Variants in LRP1B observed in about 807,000 individuals in gnomAD.
The protein encoded by LRP1B is low-density lipoprotein receptor-related protein 1B.
In LRP1B, 217 loss-of-function variants were observed where a neutral mutation model predicts 556.6. The observed-to-expected ratio is 0.39, with a 90% confidence interval of 0.35 to 0.44. LRP1B has a LOEUF of 0.44. Ranked by LOEUF, LRP1B falls within the 20% of genes least tolerant of loss-of-function variation. The pLI, the probability that LRP1B is intolerant of heterozygous loss-of-function variation, is 1.00. For missense variants in LRP1B, 5,053 were observed against 5,620.8 expected (o/e 0.90, Z 3.23); for synonymous variants, 2,047 against 1,865.8 (o/e 1.10, Z -2.50).
chr2:141,953,230 C>T (rs1433274759), intron 1 of LRP1B, among the ~76,000 whole-genome samples: 1 of 152,008 alleles, frequency 6.6e-6, no homozygotes, highest in African/African-American at 2.4e-5. Flanking sequence ...ATATCCCATC[C>T]ACCATTCTAA....
chr2:140,827,067 A>G (rs1691534052), intron 31 of LRP1B, among the ~76,000 whole-genome samples: 1 of 152,082 alleles, frequency 6.6e-6, no homozygotes, highest in African/African-American at 2.4e-5. Flanking sequence ...TGGGATTAAT[A>G]TGCCATCTAA....
At chr2:141,463,721 A>G (rs1365706280) in intron 3 of LRP1B, among the ~76,000 whole-genome samples, 5 of 143,046 alleles carry the variant, frequency 3.5e-5, no homozygotes, top group Non-Finnish European at 7.6e-5. Context: ...CCCTATTGGT[A>G]GGAAACATTT....
intron 1 of LRP1B, among the ~76,000 whole-genome samples, chr2:142,113,560 C>A (rs762149384): frequency 6.6e-6 from 1 of 151,282 alleles, no homozygotes; most frequent in South Asian, 2.1e-4. Flanking sequence ...TCATCAGCCA[C>A]CAGAAATTTT....
chr2:141,168,640 C>T (rs927638690), intron 7 of LRP1B, among the ~76,000 whole-genome samples: 3 of 152,008 alleles, frequency 2.0e-5, no homozygotes, highest in African/African-American at 4.8e-5. Flanking sequence ...TAGCAACTTA[C>T]ATTTGTATAT....
At chr2:141,592,851 G>A (rs545458192) in intron 2 of LRP1B, among the ~76,000 whole-genome samples, 3 of 152,132 alleles carry the variant, frequency 2.0e-5, no homozygotes, top group Non-Finnish European at 4.4e-5. Flanking sequence ...TTCAAGCATT[G>A]AAGGAAAAAC....
At chr2:140,716,130 A>G (rs1687201169) in intron 36 of LRP1B, 28 bp from the exon 37 acceptor site, 1 of 1,503,784 alleles carries the variant, frequency 6.6e-7, no homozygotes, top group Non-Finnish European at 9.0e-7. Context: ...GGTGTTTATA[A>G]TACAGTTTTG....
intron 2 of LRP1B, among the ~76,000 whole-genome samples, chr2:141,762,425 C>T (rs1451742547): frequency 6.6e-6 from 1 of 151,544 alleles, no homozygotes; most frequent in East Asian, 1.9e-4. Flanking sequence ...GGAATGGTGA[C>T]CAATTTTGTA....
At chr2:140,408,192 G>T (rs1049834885) in intron 66 of LRP1B, among the ~76,000 whole-genome samples, 3 of 151,826 alleles carry the variant, frequency 2.0e-5, no homozygotes, top group African/African-American at 7.3e-5. Flanking sequence ...ATGTGGGAGT[G>T]GGGTGAGGGA....
chr2:140,766,822 AATATAT>A (rs34690760), intron 35 of LRP1B, among the ~76,000 whole-genome samples: 1 of 105,622 alleles, frequency 9.5e-6, no homozygotes, highest in South Asian at 2.7e-4. Context: ...ATCTTTGTAA[AATATAT>A]ATATATATAT....
intron 41 of LRP1B, among the ~76,000 whole-genome samples, chr2:140,632,913 A>G (rs898584259): frequency 6.6e-6 from 1 of 151,972 alleles, no homozygotes; most frequent in Non-Finnish European, 1.5e-5. Flanking sequence ...AATACAAAAA[A>G]TTAGCCTGGC....
chr2:140,995,099 T>C (rs1326834367), intron 15 of LRP1B, among the ~76,000 whole-genome samples: 3 of 152,038 alleles, frequency 2.0e-5, no homozygotes, highest in African/African-American at 7.2e-5. Context: ...TGTTTTAACC[T>C]GAAACCAGTT....
rs138552193 is a variant in LRP1B at position 140,706,247 on chromosome 2, T to C, written c.6024-3694A>G. Reference sequence around the variant, plus strand: ...AATTACTATTGAGTTTGAACCTATTTGAGTTCAAATTTTGCAGTTGTGAAA... The same window carrying C: ...AATTACTATTGAGTTTGAACCTATTCGAGTTCAAATTTTGCAGTTGTGAAA... On this transcript the variant is annotated intron_variant, in intron 37 of 90. Coordinates refer to ENST00000389484, the MANE Select transcript of LRP1B (RefSeq NM_018557.3). Among the ~76,000 whole-genome samples, 607 of 152,254 alleles carry C rather than the reference T, an allele frequency of 4.0e-3. 3 individuals carry two copies. Among genetic ancestry groups the C allele is most frequent in the African/African-American group, 0.011 (456 of 41,554 alleles).
intron 3 of LRP1B, among the ~76,000 whole-genome samples, chr2:141,384,981 C>T (rs1192010978): frequency 6.6e-6 from 1 of 152,136 alleles, no homozygotes; most frequent in Non-Finnish European, 1.5e-5. Flanking sequence ...ACGCTCTGGT[C>T]CCCTGGACCC....
At chr2:141,299,752 T>G (rs1244620910) in intron 3 of LRP1B, among the ~76,000 whole-genome samples, 1 of 152,220 alleles carries the variant, frequency 6.6e-6, no homozygotes, top group Non-Finnish European at 1.5e-5. Context: ...TCCTTTTGTA[T>G]GTTACCTAAT....
chr2:140,613,763 C>A (rs1683165160), intron 41 of LRP1B, among the ~76,000 whole-genome samples: 1 of 152,046 alleles, frequency 6.6e-6, no homozygotes, highest in African/African-American at 2.4e-5. Flanking sequence ...CTTTAATGTG[C>A]CTGCCCCAGA....
At chr2:140,591,176 G>A (rs16844290) in intron 43 of LRP1B, among the ~76,000 whole-genome samples, 37,485 of 152,092 alleles carry the variant, frequency 0.25, 4,827 homozygotes, top group Middle Eastern at 0.36. Flanking sequence ...TGCCTCCTGA[G>A]TTCAGAAAAA....
At chr2:140,331,029 A>G (rs1352066690) in intron 79 of LRP1B, among the ~76,000 whole-genome samples, 3 of 152,102 alleles carry the variant, frequency 2.0e-5, no homozygotes, top group Non-Finnish European at 4.4e-5. Flanking sequence ...ATAGTACTAC[A>G]ATAGTATTTC....
At chr2:141,467,535 G>A (rs1277062860) in intron 3 of LRP1B, among the ~76,000 whole-genome samples, 1 of 152,104 alleles carries the variant, frequency 6.6e-6, no homozygotes, top group African/African-American at 2.4e-5. Context: ...CTGTCTAGGT[G>A]AGTTTGGTTT....
chr2:140,732,790 T>C (rs1336374656), intron 35 of LRP1B, among the ~76,000 whole-genome samples: 1 of 151,772 alleles, frequency 6.6e-6, no homozygotes, highest in East Asian at 1.9e-4. Flanking sequence ...AGGTTCAGAG[T>C]TTTTTAGAAT....
Sources: gnomAD v4.1 joint callset for allele counts (sites outside exome capture counted in the v4.1 genomes callset) on GRCh38, gnomAD v4.1.1 for gene constraint, MANE v1.5 for transcripts, NCBI Gene and HGNC (gene_info 2026-07-23, HGNC 2026-07-21) for gene names.